Variants in GALNTL6 observed in about 807,000 individuals in gnomAD.
GALNTL6 encodes the protein polypeptide N-acetylgalactosaminyltransferase-like 6.
GALNTL6 carries 46 observed loss-of-function variants against 73.7 expected under a neutral mutation model. That is an observed-to-expected ratio of 0.62 (90% CI 0.49 to 0.80). The LOEUF (loss-of-function observed/expected upper bound fraction) is 0.80, where lower values mean the gene tolerates loss of function less well. GALNTL6 is among the 30% of genes least tolerant of loss of function. GALNTL6 has a pLI of 0.00. For missense variants in GALNTL6, 604 were observed against 755.0 expected, an observed-to-expected ratio of 0.80 and a Z score of 2.34; for synonymous variants, 259 against 263.7, an observed-to-expected ratio of 0.98 and a Z score of 0.17.
intron 2 of GALNTL6, among the ~76,000 whole-genome samples, chr4:171,903,717 G>A (rs1342877905): frequency 5.9e-5 from 9 of 151,840 alleles, no homozygotes; most frequent in Non-Finnish European, 1.2e-4. Context: ...AAAGACAGCA[G>A]TAACTTCTGC....
Position 171,912,733 on chromosome 4 carries a change from C to T in GALNTL6, c.138+98015C>T, listed in dbSNP as rs559069369. On this transcript the variant is annotated intron_variant, in intron 2 of 12. Transcript: ENST00000506823. ...ACCCTTCCCAGCCTCTAGTAACCAC[C>T]ACTCTACCCTTTACCACCATGAGAT... 4.0e-4 allele frequency among the ~76,000 whole-genome samples: 61 copies of T among 152,228 alleles called. 1 individual carries two copies. In the South Asian group the frequency reaches 5.6e-3, roughly 14 times the overall value.
chr4:172,747,311 T>C (rs1737166555), intron 5 of GALNTL6, among the ~76,000 whole-genome samples: 1 of 151,972 alleles, frequency 6.6e-6, no homozygotes. Context: ...CTCAAACTAC[T>C]CAATGACAAG....
chr4:172,284,159 T>G (rs967997033), intron 3 of GALNTL6, among the ~76,000 whole-genome samples: 1 of 152,142 alleles, frequency 6.6e-6, no homozygotes, highest in African/African-American at 2.4e-5. Context: ...CTAACTATTA[T>G]TGAGGTAAAA....
chr4:173,000,237 A>G (rs1751988263), intron 10 of GALNTL6, among the ~76,000 whole-genome samples: 1 of 152,212 alleles, frequency 6.6e-6, no homozygotes, highest in African/African-American at 2.4e-5. Flanking sequence ...GCTTAATGCC[A>G]TGCAGCCCTA....
chr4:171,856,174 C>T (rs958578648), intron 2 of GALNTL6, among the ~76,000 whole-genome samples: 25 of 152,106 alleles, frequency 1.6e-4, no homozygotes, highest in African/African-American at 5.6e-4. Context: ...GAGATCTTGG[C>T]TCACGGAAAC....
intron 5 of GALNTL6, among the ~76,000 whole-genome samples, chr4:172,677,597 T>A (rs1732376158): frequency 6.6e-6 from 1 of 151,854 alleles, no homozygotes. Context: ...AAGAGTAGAA[T>A]AAAGGGTAAA....
chr4:172,344,186 A>G (rs72986322), intron 4 of GALNTL6, among the ~76,000 whole-genome samples: 4,995 of 152,282 alleles, frequency 0.033, 260 homozygotes, highest in African/African-American at 0.11. Flanking sequence ...ATATTGGTAC[A>G]TCATCTTCAT....
At chr4:172,672,903 A>G (rs1430101424) in intron 5 of GALNTL6, among the ~76,000 whole-genome samples, 1 of 151,722 alleles carries the variant, frequency 6.6e-6, no homozygotes, top group Non-Finnish European at 1.5e-5. Context: ...GTTTATTTGA[A>G]TCTTCTCTAT....
chr4:172,894,112 T>G (rs2653821), intron 8 of GALNTL6, among the ~76,000 whole-genome samples: 52,308 of 152,022 alleles, frequency 0.34, 11,369 homozygotes, highest in African/African-American at 0.62. Context: ...CAATATTTTG[T>G]TTCCTCTCAG....
chr4:172,222,068 G>A (rs1005983925), intron 2 of GALNTL6, among the ~76,000 whole-genome samples: 1 of 151,768 alleles, frequency 6.6e-6, no homozygotes, highest in Non-Finnish European at 1.5e-5. Flanking sequence ...TAGGAGAAAA[G>A]GGGATCAACA....
chr4:172,845,625 T>G (rs1743468931), intron 7 of GALNTL6, among the ~76,000 whole-genome samples: 1 of 152,226 alleles, frequency 6.6e-6, no homozygotes, highest in African/African-American at 2.4e-5. Flanking sequence ...TTGACTAGTT[T>G]TCAGTTTTAA....
intron 5 of GALNTL6, among the ~76,000 whole-genome samples, chr4:172,761,438 G>T (rs1738079880): frequency 6.6e-6 from 1 of 152,134 alleles, no homozygotes; most frequent in South Asian, 2.1e-4. Context: ...TACTAGAGAA[G>T]ACATTTCTTT....
chr4:172,580,483 T>C (rs1737140259), intron 5 of GALNTL6, among the ~76,000 whole-genome samples: 1 of 152,212 alleles, frequency 6.6e-6, no homozygotes, highest in Admixed American at 6.5e-5. Flanking sequence ...TTCCCCAGAA[T>C]GCAAGCCAGA....
In GALNTL6 at chr4:172,177,623, G is replaced by A. The variant is rs1420481790; in HGVS notation, c.139-52033G>A. ...TACCAGCTCCATTGAGCAAAGAAAG[G>A]GTACAAATAGATATCATTTTATATT... is the stretch of plus-strand genomic sequence containing the variant. On this transcript the variant is annotated intron_variant, in intron 2 of 12. Coordinates refer to ENST00000506823, the MANE Select transcript of GALNTL6 (RefSeq NM_001034845.3). 2.0e-5 allele frequency among the ~76,000 whole-genome samples: 3 copies of A among 150,716 alleles called. No individual in the cohort carries two copies. In the East Asian group the frequency reaches 5.9e-4, roughly 30 times the overall value.
chr4:171,835,321 T>G (rs1735071344), intron 2 of GALNTL6, among the ~76,000 whole-genome samples: 1 of 152,018 alleles, frequency 6.6e-6, no homozygotes, highest in African/African-American at 2.4e-5. Context: ...TGTGTCTCCG[T>G]GTATCTGTGT....
intron 2 of GALNTL6, among the ~76,000 whole-genome samples, chr4:172,026,712 G>A (rs941591205): frequency 5.3e-5 from 8 of 151,968 alleles, no homozygotes; most frequent in South Asian, 2.1e-4. Context: ...CTATTGGGGC[G>A]AGTGGATTGA....
intron 7 of GALNTL6, among the ~76,000 whole-genome samples, chr4:172,876,434 A>G (rs1745197630): frequency 6.6e-6 from 1 of 152,228 alleles, no homozygotes; most frequent in Non-Finnish European, 1.5e-5. Flanking sequence ...TTGTAAATCT[A>G]GGAAAACAGA....
Position 172,338,941 on chromosome 4 carries a change from T to C in GALNTL6, c.387-9582T>C, listed in dbSNP as rs1349327270. 5.3e-5 allele frequency among the ~76,000 whole-genome samples: 8 copies of C among 152,234 alleles called. No homozygotes were observed. In the East Asian group the frequency reaches 1.6e-3, roughly 30 times the overall value. On this transcript the variant is annotated intron_variant, in intron 4 of 12. Coordinates refer to ENST00000506823, the MANE Select transcript of GALNTL6 (RefSeq NM_001034845.3). ...CCAGGAGAGTGGATGTTTTATAAGCTTGGAGATCTGTCCAGGCATGGAGGG... is the reference window on the plus strand; with the variant it reads ...CCAGGAGAGTGGATGTTTTATAAGCCTGGAGATCTGTCCAGGCATGGAGGG...
intron 5 of GALNTL6, among the ~76,000 whole-genome samples, chr4:172,687,295 G>T (rs1157516319): frequency 6.6e-6 from 1 of 152,114 alleles, no homozygotes; most frequent in African/African-American, 2.4e-5. Context: ...ATGTGCGGGA[G>T]TGGGTGCTTT....
Sources: allele counts gnomAD v4.1 joint callset (sites outside exome capture counted in the v4.1 genomes callset), GRCh38; gene constraint gnomAD v4.1.1; transcripts MANE v1.5; gene names NCBI Gene and HGNC (gene_info 2026-07-23, HGNC 2026-07-21).